Variants in ST8SIA3 observed in about 807,000 individuals in gnomAD.
ST8SIA3 encodes the protein ST8 alpha-N-acetyl-neuraminide alpha-2,8-sialyltransferase 3, also known as alpha-N-acetylneuraminate alpha-2,8-sialyltransferase ST8SIA3.
Under a neutral mutation model 34.5 loss-of-function variants are expected in ST8SIA3, and 17 were observed. The observed-to-expected ratio is 0.49, with a 90% CI of 0.34 to 0.74. The LOEUF (loss-of-function observed/expected upper bound fraction) is 0.74. Among genes scored for constraint, ST8SIA3 ranks in the 30% least tolerant of loss-of-function variants. The pLI is 0.01. For missense variants in ST8SIA3, 354 were observed against 467.8 expected (o/e 0.76, Z 2.24); for synonymous variants, 172 against 176.1 (o/e 0.98, Z 0.19).
chr18:57,354,857 TA>T (rs35104343), intron 2 of ST8SIA3, among the ~76,000 whole-genome samples: 364 of 145,566 alleles, frequency 2.5e-3, no homozygotes, highest in Non-Finnish European at 3.5e-3. Flanking sequence ...GCCATCTATT[TA>T]AAAAAAAAAA....
Position 57,361,893 on chromosome 18 carries a change from G to A in ST8SIA3, c.*1616G>A, listed in dbSNP as rs540374140. ...AAAATGTGCTGTAGTTCAGTGATGA[G>A]CTCATTGCCCCTCTTTAGGAAGGTA... On this transcript the variant is annotated 3_prime_UTR_variant, in exon 4 of 4. Transcript: ENST00000324000. The A allele has an allele frequency of 6.6e-6, 1 of 152,332 alleles. No homozygotes were observed. The highest frequency in any genetic ancestry group is 2.4e-5 in the African/African-American group (1 of 41,556). 9.4% of individuals were successfully genotyped at this position (152,332 alleles called of 1,614,324 possible). A position where few individuals can be genotyped will look rare whatever the true frequency, so the allele number is the denominator to read the frequency against.
chr18:57,362,575 T>A lies in ST8SIA3; in HGVS notation c.*2298T>A, dbSNP rs1203214630. The A allele has an allele frequency of 6.6e-6, 1 of 152,206 alleles. No homozygotes were observed. The highest frequency in any genetic ancestry group is 1.5e-5 in the Non-Finnish European group (1 of 68,042). The allele number at this position is 152,206 out of a possible 1,614,324, so 9.4% of individuals were successfully genotyped here. A position where few individuals can be genotyped will look rare whatever the true frequency, so the allele number is the denominator to read the frequency against. Reference sequence around the variant, plus strand: ...TTCAGGGAGATTTTTTAAATCTCCTTGCAGTCTTGGCTCCATCTTAACCTT... The same window carrying A: ...TTCAGGGAGATTTTTTAAATCTCCTAGCAGTCTTGGCTCCATCTTAACCTT... On this transcript the variant is annotated 3_prime_UTR_variant, in exon 4 of 4. Transcript: ENST00000324000.
intron 3 of ST8SIA3, 112 bp from the exon 4 acceptor site, chr18:57,359,883 G>C: frequency 2.3e-6 from 2 of 887,584 alleles, no homozygotes; most frequent in Non-Finnish European, 3.4e-6. Context: ...TTCAAAACAA[G>C]CACTATTTAA....
chr18:57,356,218 A>C (rs938376841), intron 2 of ST8SIA3, among the ~76,000 whole-genome samples: 1 of 152,212 alleles, frequency 6.6e-6, no homozygotes, highest in African/African-American at 2.4e-5. Flanking sequence ...AGAATATGGA[A>C]ATATTTTCAG....
intron 3 of ST8SIA3, among the ~76,000 whole-genome samples, chr18:57,358,084 T>G (rs564748): frequency 0.036 from 5,556 of 152,298 alleles, 258 homozygotes; most frequent in African/African-American, 0.097. Context: ...GGTTGTATAT[T>G]AGAATCACTT....
intron 3 of ST8SIA3, 126 bp downstream of exon 3, chr18:57,357,596 ACT>A (rs1469173368): frequency 6.7e-6 from 5 of 751,266 alleles, no homozygotes; most frequent in African/African-American, 1.8e-5. Flanking sequence ...ATTAGAAGAA[ACT>A]CATATGTTTT....
chr18:57,354,205 A>G (rs1414707979), intron 1 of ST8SIA3, among the ~76,000 whole-genome samples, 197 bp from the exon 2 acceptor site: 1 of 152,154 alleles, frequency 6.6e-6, no homozygotes, highest in Non-Finnish European at 1.5e-5. Context: ...GACAATGCAG[A>G]TGGGGTTCCC....
At position 57,366,555 on chromosome 18, in the gene ST8SIA3, A is replaced by G. The variant is rs1462255195; in HGVS notation, c.*6278A>G. 6.6e-6 allele frequency: 1 copy of G among 152,178 alleles called. No individual in the cohort carries two copies. The highest frequency in any genetic ancestry group is 2.1e-4 in the South Asian group (1 of 4,816). The allele number at this position is 152,178 out of a possible 1,614,324, so 9.4% of individuals were successfully genotyped here. A position where few individuals can be genotyped will look rare whatever the true frequency, so the allele number is the denominator to read the frequency against. ...CCTTCTGACACAATAAAAAAAATAC[A>G]GGTACCCACAAAACAGTGCCTGCAA... On this transcript the variant is annotated 3_prime_UTR_variant, in exon 4 of 4. Coordinates refer to ENST00000324000, the MANE Select transcript of ST8SIA3 (RefSeq NM_015879.3).
Position 57,357,167 on chromosome 18 carries a change from T to C in ST8SIA3, c.557T>C (p.Val186Ala). The change falls in exon 3 of 4, where the codon GTT (valine) becomes GCT (alanine). Residue 186 changes from valine (V) to alanine (A), a missense_variant. By Grantham distance (64) the Val-to-Ala change is moderately conservative (BLOSUM62 0). Coordinates refer to ENST00000324000, the MANE Select transcript of ST8SIA3 (RefSeq NM_015879.3). ...CAAGAAATAGATAAATCAGATTTTG[T>C]TTTCCGTTGCAATTTCGCCCCTACG... Reference protein sequence around the residue: ...CGQEIDKSDFVFRCNFAPTEA... With the variant: ...CGQEIDKSDFAFRCNFAPTEA... 3 of 1,614,090 alleles carry C rather than the reference T, an allele frequency of 1.9e-6. No homozygotes were observed. Among genetic ancestry groups the C allele is most frequent in the South Asian group, 2.2e-5 (2 of 91,072 alleles).
chr18:57,355,896 T>G (rs1337118798), intron 2 of ST8SIA3, among the ~76,000 whole-genome samples: 2 of 152,222 alleles, frequency 1.3e-5, no homozygotes, highest in African/African-American at 2.4e-5. Context: ...TTGGGGAGTT[T>G]CAAAGATTTC....
rs1048743775 is a variant in ST8SIA3, at chr18:57,364,519, A to G, written c.*4242A>G. ...CTAGATTCTTAAAACCTTTTTTCCC[A>G]TAATTGTTTGAATGCACTAGGCACA... On this transcript the variant is annotated 3_prime_UTR_variant, in exon 4 of 4. Transcript: ENST00000324000. 2 of 152,180 alleles carry G rather than the reference A, an allele frequency of 1.3e-5. No homozygotes were observed. Among genetic ancestry groups the G allele is most frequent in the African/African-American group, 4.8e-5 (2 of 41,440 alleles). The allele number at this position is 152,180 out of a possible 1,614,324, so 9.4% of individuals were successfully genotyped here. A position where few individuals can be genotyped will look rare whatever the true frequency, so the allele number is the denominator to read the frequency against.
rs898140915 is a variant in ST8SIA3, at chr18:57,364,052, A to T, written c.*3775A>T. 6.6e-6 allele frequency: 1 copy of T among 152,292 alleles called. No individual in the cohort carries two copies. The highest frequency in any genetic ancestry group is 1.9e-4 in the East Asian group (1 of 5,188). The allele number at this position is 152,292 out of a possible 1,614,324, so 9.4% of individuals were successfully genotyped here. ...GGTTCTCCTCTCCCTCCCAAAAATG[A>T]CTTCCCAACACAGAACAATAAAGGA... On this transcript the variant is annotated 3_prime_UTR_variant, in exon 4 of 4. Coordinates refer to ENST00000324000, the MANE Select transcript of ST8SIA3 (RefSeq NM_015879.3).
intron 1 of ST8SIA3, 66 bp from the exon 2 acceptor site, chr18:57,354,336 T>A: frequency 6.2e-7 from 1 of 1,605,726 alleles, no homozygotes; most frequent in Non-Finnish European, 8.5e-7. Context: ...CGCTGCACTT[T>A]AATGGCTACC....
chr18:57,359,217 C>T (rs1457554998), intron 3 of ST8SIA3, among the ~76,000 whole-genome samples: 1 of 152,124 alleles, frequency 6.6e-6, no homozygotes, highest in Non-Finnish European at 1.5e-5. Flanking sequence ...ACATAGAAGC[C>T]TCAAATATTT....
At chr18:57,353,638 G>C (rs891762741) in intron 1 of ST8SIA3, among the ~76,000 whole-genome samples, 2 of 151,900 alleles carry the variant, frequency 1.3e-5, no homozygotes, top group African/African-American at 2.4e-5. Flanking sequence ...TGCGGGAAGC[G>C]AGCCTCGGAA....
Position 57,363,856 on chromosome 18 carries a change from TG to T in ST8SIA3, c.*3580del, listed in dbSNP as rs2049846272. On this transcript the variant is annotated 3_prime_UTR_variant, in exon 4 of 4. Transcript: ENST00000324000. ...AAAATGGAGAAACAGGGAGGCTAGGTGATTTGCCCCAGATGACACTGTCAAT... is the reference window on the plus strand; with the variant it reads ...AAAATGGAGAAACAGGGAGGCTAGGTATTTGCCCCAGATGACACTGTCAAT... 1 of 152,194 alleles carries T rather than the reference TG, an allele frequency of 6.6e-6. No homozygotes were observed. The highest frequency in any genetic ancestry group is 2.1e-4 in the South Asian group (1 of 4,826). The allele number at this position is 152,194 out of a possible 1,614,324, so 9.4% of individuals were successfully genotyped here. A position where few individuals can be genotyped will look rare whatever the true frequency, so the allele number is the denominator to read the frequency against.
Position 57,352,751 on chromosome 18 carries a change from C to T in ST8SIA3, c.-96C>T. 1 of 873,114 alleles carries T rather than the reference C, an allele frequency of 1.1e-6. No individual in the cohort carries two copies. The highest frequency in any genetic ancestry group is 1.8e-6 in the Non-Finnish European group (1 of 546,268). 54.1% of individuals were successfully genotyped at this position (873,114 alleles called of 1,614,324 possible). On this transcript the variant is annotated 5_prime_UTR_variant, in exon 1 of 4. Coordinates refer to ENST00000324000, the MANE Select transcript of ST8SIA3 (RefSeq NM_015879.3). Reference sequence around the variant, plus strand: ...GCGCGCTCACACACACACACACACACACACACACACACACACACATATATA... The same window carrying T: ...GCGCGCTCACACACACACACACACATACACACACACACACACACATATATA...
intron 2 of ST8SIA3, 73 bp from the exon 3 acceptor site, chr18:57,356,839 GT>G: frequency 4.2e-6 from 4 of 948,562 alleles, no homozygotes; most frequent in Non-Finnish European, 6.3e-6. Flanking sequence ...TGAATGAAAT[GT>G]CAGCATAAGT....
At chr18:57,359,025 C>T (rs537074876) in intron 3 of ST8SIA3, among the ~76,000 whole-genome samples, 4 of 152,302 alleles carry the variant, frequency 2.6e-5, no homozygotes, top group Middle Eastern at 3.4e-3. Context: ...TTAGAAACTT[C>T]CAGAAACTAT....
Sources: allele counts gnomAD v4.1 joint callset (sites outside exome capture counted in the v4.1 genomes callset), GRCh38; gene constraint gnomAD v4.1.1; transcripts MANE v1.5; gene names NCBI Gene and HGNC (gene_info 2026-07-23, HGNC 2026-07-21).